Variants in MLPH observed in about 807,000 individuals in gnomAD.
The protein encoded by MLPH is exophilin-3.
In MLPH, 51 loss-of-function variants were observed where a neutral mutation model predicts 72.1. The ratio of observed to expected loss-of-function variants is 0.71; its 90% CI spans 0.56 to 0.89. MLPH has a LOEUF of 0.89. MLPH is among the 40% of genes least tolerant of loss of function. The pLI is 0.00. For synonymous variants in MLPH, 301 were observed against 310.1 expected (o/e 0.97, Z 0.31); for missense variants, 743 against 759.9 (o/e 0.98, Z 0.26).
At chr2:237,525,863 G>A in intron 7 of MLPH, 58 bp downstream of exon 7, 2 of 1,529,454 alleles carry the variant, frequency 1.3e-6, no homozygotes, top group Non-Finnish European at 8.9e-7. Context: ...GCAGGTCACT[G>A]AGGAACAACC....
At position 237,525,611 on chromosome 2, in the gene MLPH, A is replaced by G; in HGVS notation, c.686A>G (p.Asp229Gly). ...GCCCCATGTGCTTAGTCCCTCACAGATGAGTCCTGCTCAGAGAAGGCAGCC... is the reference window on the plus strand; with the variant it reads ...GCCCCATGTGCTTAGTCCCTCACAGGTGAGTCCTGCTCAGAGAAGGCAGCC... ...EARDSPQSLT[D>G]ESCSEKAAPH... The change falls in exon 7 of 16, where the codon GAT becomes GGT. Residue 229 changes from aspartate to glycine, a missense_variant. Transcript: ENST00000264605. 1.2e-6 allele frequency: 2 copies of G among 1,614,096 alleles called. No homozygotes were observed.
chr2:237,499,830 G>A (rs1381471459), intron 2 of MLPH, among the ~76,000 whole-genome samples: 2 of 151,788 alleles, frequency 1.3e-5, no homozygotes, highest in South Asian at 2.1e-4. Flanking sequence ...CTGCAGCCTC[G>A]ACCTCCCAGG....
intron 2 of MLPH, among the ~76,000 whole-genome samples, chr2:237,497,906 C>T (rs2079568351): frequency 6.6e-6 from 1 of 152,180 alleles, no homozygotes. Flanking sequence ...GATGAAGAAA[C>T]TGGTGCTCGA....
At chr2:237,506,643 G>A (rs925664791) in intron 2 of MLPH, among the ~76,000 whole-genome samples, 1 of 152,192 alleles carries the variant, frequency 6.6e-6, no homozygotes, top group Non-Finnish European at 1.5e-5. Context: ...ATGCTTTTCC[G>A]TGCAATGTCT....
intron 4 of MLPH, among the ~76,000 whole-genome samples, chr2:237,515,072 G>C (rs2079985371): frequency 6.6e-6 from 1 of 152,202 alleles, no homozygotes; most frequent in African/African-American, 2.4e-5. Context: ...ATGGAAAACT[G>C]TACAATGAGA....
chr2:237,513,229 C>A (rs74898994), intron 4 of MLPH, among the ~76,000 whole-genome samples: 49 of 152,306 alleles, frequency 3.2e-4, no homozygotes, highest in African/African-American at 5.8e-4. Flanking sequence ...ATTGAGTGAA[C>A]CTTCAGAGTG....
intron 13 of MLPH, 91 bp from the exon 14 acceptor site, chr2:237,549,130 A>T: frequency 8.4e-7 from 1 of 1,184,260 alleles, no homozygotes; most frequent in Non-Finnish European, 1.3e-6. Context: ...GGTTAATTAG[A>T]AGCTGGAAGA....
rs545469721 is a variant in MLPH, at chr2:237,487,730, G to GA, written c.-25+295dup. ...TGGGCAAAACGGTTGGTTTTAATCAGAAGCTCCATTGCCTCCATTGCGAGT... is the reference window on the plus strand; with the variant it reads ...TGGGCAAAACGGTTGGTTTTAATCAGAAAGCTCCATTGCCTCCATTGCGAGT... On this transcript the variant is annotated intron_variant, in intron 1 of 15. Coordinates refer to ENST00000264605, the MANE Select transcript of MLPH (RefSeq NM_024101.7). Among the ~76,000 whole-genome samples the GA allele has an allele frequency of 1.2e-4, 18 of 152,344 alleles. No individual in the cohort carries two copies. The South Asian group carries it at 3.7e-3, about 32-fold the overall frequency.
intron 2 of MLPH, among the ~76,000 whole-genome samples, chr2:237,495,372 G>T (rs2106459875): frequency 6.6e-6 from 1 of 152,296 alleles, no homozygotes; most frequent in Non-Finnish European, 1.5e-5. Context: ...TGGGGCAGGG[G>T]GTGGCAGCAT....
In MLPH at chr2:237,518,730, A is replaced by G. The variant is rs190534596; in HGVS notation, c.555+82A>G. The G allele has an allele frequency of 8.5e-4, 903 of 1,064,654 alleles. 6 individuals are homozygous for G. In the African/African-American group the frequency reaches 0.012, roughly 14 times the overall value. The allele number at this position is 1,064,654 out of a possible 1,614,324, so 66.0% of individuals were successfully genotyped here. On this transcript the variant is annotated intron_variant, in intron 5 of 15. Transcript: ENST00000264605. The stretch of plus-strand genomic sequence containing the variant: ...GACGTCAGGTTCTGATTTCCTGAAA[A>G]CCTTGATGGCCTCTCCACAACTCCA...
At chr2:237,490,675 T>C (rs970891350) in intron 1 of MLPH, among the ~76,000 whole-genome samples, 1 of 152,074 alleles carries the variant, frequency 6.6e-6, no homozygotes, top group African/African-American at 2.4e-5. Flanking sequence ...CTTCTTATGA[T>C]CCCTTTTTTT....
chr2:237,508,599 C>T (rs1424554904), intron 2 of MLPH, among the ~76,000 whole-genome samples: 6 of 152,136 alleles, frequency 3.9e-5, no homozygotes, highest in Non-Finnish European at 8.8e-5. Flanking sequence ...TGTGACTCAC[C>T]CCCCTAAAGG....
rs539913151 is a variant in MLPH at position 237,542,665 on chromosome 2, TG to T, written c.1539+12del. On this transcript the variant is annotated splice_region_variant and intron_variant, in intron 12 of 15. Coordinates refer to ENST00000264605, the MANE Select transcript of MLPH (RefSeq NM_024101.7). ...GGAGGAAGTCAAACCTCCCGGTGAG[TG>T]GGGGGCAGTGGTGAGTGGAGACAGT... The T allele has an allele frequency of 3.2e-4, 459 of 1,445,320 alleles. 1 individual carries two copies. The highest frequency in any genetic ancestry group is 2.1e-3 in the Middle Eastern group (10 of 4,678). 89.5% of individuals were successfully genotyped at this position (1,445,320 alleles called of 1,614,324 possible). A position where few individuals can be genotyped will look rare whatever the true frequency, so the allele number is the denominator to read the frequency against.
intron 2 of MLPH, among the ~76,000 whole-genome samples, chr2:237,507,065 T>TC (rs1439950064): frequency 1.1e-4 from 15 of 140,244 alleles, no homozygotes; most frequent in Admixed American, 2.1e-4. Flanking sequence ...TTTTTTTCTT[T>TC]TTTTTTTTTT....
intron 8 of MLPH, 38 bp from the exon 9 acceptor site, chr2:237,534,526 T>G: frequency 6.4e-7 from 1 of 1,564,208 alleles, no homozygotes. Flanking sequence ...TGGAGTGCAC[T>G]GGGTCCTCTG....
rs1217587800 is a variant in MLPH, at chr2:237,542,672, C to T, written c.1539+13C>T. ...GTCAAACCTCCCGGTGAGTGGGGGG[C>T]AGTGGTGAGTGGAGACAGTGCTGAG... On this transcript the variant is annotated intron_variant, in intron 12 of 15. Transcript: ENST00000264605. The T allele has an allele frequency of 6.5e-7, 1 of 1,543,208 alleles. No homozygotes were observed. The highest frequency in any genetic ancestry group is 8.7e-7 in the Non-Finnish European group (1 of 1,143,016).
At chr2:237,549,020 A>C (rs1168399888) in intron 13 of MLPH, among the ~76,000 whole-genome samples, 2 of 152,238 alleles carry the variant, frequency 1.3e-5, no homozygotes, top group East Asian at 3.8e-4. Context: ...AAAGCTGAGC[A>C]TCTCTTATTT....
In MLPH at chr2:237,551,607, A is replaced by C. The variant is rs561479220; in HGVS notation, c.1676-730A>C. 1.1e-3 allele frequency among the ~76,000 whole-genome samples: 162 copies of C among 152,352 alleles called. 1 individual carries two copies. Among genetic ancestry groups the C allele is most frequent in the Admixed American group, 9.5e-3 (146 of 15,304 alleles). ...TGAGGCCAGATGCCCCCAGCTACAC[A>C]GCCATGGCCCCAGGAGGTGCCCTCT... On this transcript the variant is annotated intron_variant, in intron 14 of 15. Coordinates refer to ENST00000264605, the MANE Select transcript of MLPH (RefSeq NM_024101.7).
At chr2:237,539,507 C>T (rs74003109) in intron 9 of MLPH, among the ~76,000 whole-genome samples, 21,942 of 152,114 alleles carry the variant, frequency 0.14, 1,794 homozygotes, top group African/African-American at 0.2. Flanking sequence ...CTGTAAGAGG[C>T]AATTGGGATA....
Sources: allele counts gnomAD v4.1 joint callset (sites outside exome capture counted in the v4.1 genomes callset), GRCh38; gene constraint gnomAD v4.1.1; transcripts MANE v1.5; gene names NCBI Gene and HGNC (gene_info 2026-07-23, HGNC 2026-07-21).